Variants in DNAJC13 observed in about 807,000 individuals in gnomAD.
DNAJC13 encodes DnaJ heat shock protein family (Hsp40) member C13.
DNAJC13 carries 75 observed loss-of-function variants against 290.5 expected under a neutral mutation model. The observed-to-expected ratio is 0.26, with a 90% CI of 0.21 to 0.31. DNAJC13 has a LOEUF of 0.31. DNAJC13 is among the 10% of genes least tolerant of loss of function. DNAJC13 has a pLI of 1.00. For missense variants in DNAJC13, 2,260 were observed against 2,674.5 expected (o/e 0.85, Z 3.42); for synonymous variants, 862 against 892.0 (o/e 0.97, Z 0.60).
In DNAJC13 at chr3:132,456,209, C is replaced by T. The variant is rs749775189; in HGVS notation, c.933-26C>T. ...TCCCCTTAATCATCAATGCTAAAACCTTTTTTTACTTTTAATCTTACTTAG... is the reference window on the plus strand; with the variant it reads ...TCCCCTTAATCATCAATGCTAAAACTTTTTTTTACTTTTAATCTTACTTAG... On this transcript the variant is annotated intron_variant, in intron 9 of 55. Coordinates refer to ENST00000260818, the MANE Select transcript of DNAJC13 (RefSeq NM_015268.4). 5 of 1,604,480 alleles carry T rather than the reference C, an allele frequency of 3.1e-6. No homozygotes were observed. The South Asian group carries it at 4.5e-5, about 14-fold the overall frequency.
Position 132,477,817 on chromosome 3 carries a change from TTAAAA to T in DNAJC13, c.2477_2481del (p.Lys826ArgfsTer13). 1 of 1,612,610 alleles carries T rather than the reference TTAAAA, an allele frequency of 6.2e-7. No individual in the cohort carries two copies. The highest frequency in any genetic ancestry group is 8.5e-7 in the Non-Finnish European group (1 of 1,179,498). ...AAATATGAGTGCCTGGCAGAGGAAA[TTAAAA>T]TAGGAGACTATTACCTGAGATTACT... On this transcript the variant is annotated frameshift_variant, in exon 23 of 56. Transcript: ENST00000260818. LOFTEE classifies it high-confidence loss of function.
chr3:132,525,732 G>A lies in DNAJC13; in HGVS notation c.6183G>A (p.Arg2061=). 2 of 1,614,152 alleles carry A rather than the reference G, an allele frequency of 1.2e-6. No homozygotes were observed. The highest frequency in any genetic ancestry group is 1.3e-5 in the African/African-American group (1 of 75,050). Residue 2061 remains arginine, a synonymous_variant, in exon 52 of 56, where the codon AGG becomes AGA. Coordinates refer to ENST00000260818, the MANE Select transcript of DNAJC13 (RefSeq NM_015268.4). ...AAGTTATCCAGGCAATGAATCATAG[G>A]AACAATGCCATTCCTAAGAGTGCCA... The part of the protein sequence containing the change: ...LPKVIQAMNH[R]NNAIPKSAIR...
intron 22 of DNAJC13, among the ~76,000 whole-genome samples, chr3:132,475,340 A>G (rs761613369): frequency 2.6e-5 from 4 of 152,034 alleles, no homozygotes; most frequent in Admixed American, 6.5e-5. Context: ...TTCCAAATCT[A>G]TTCTTTCCTT....
At chr3:132,417,924 G>T (rs911051680) in intron 1 of DNAJC13, among the ~76,000 whole-genome samples, 164 bp downstream of exon 1, 1 of 152,182 alleles carries the variant, frequency 6.6e-6, no homozygotes, top group East Asian at 1.9e-4. Context: ...TGCTGGTCTG[G>T]TTCCTTTCGT....
chr3:132,463,864 G>A, intron 17 of DNAJC13, 47 bp downstream of exon 17: 7 of 1,578,740 alleles, frequency 4.4e-6, no homozygotes, highest in Non-Finnish European at 5.2e-6. Flanking sequence ...CCTGTCTAGA[G>A]AATTGATTCA....
chr3:132,507,989 C>A (rs1028233895), intron 43 of DNAJC13, among the ~76,000 whole-genome samples: 8 of 152,128 alleles, frequency 5.3e-5, no homozygotes, highest in Non-Finnish European at 8.8e-5. Context: ...AGGAAAAGTT[C>A]TTGAAGGAAA....
intron 22 of DNAJC13, among the ~76,000 whole-genome samples, chr3:132,475,868 G>A (rs1430714622): frequency 1.3e-5 from 2 of 151,998 alleles, no homozygotes; most frequent in African/African-American, 4.8e-5. Flanking sequence ...CTTTGACCTC[G>A]TTCATTTTTA....
intron 6 of DNAJC13, among the ~76,000 whole-genome samples, chr3:132,452,632 G>C (rs754945200): frequency 6.6e-6 from 1 of 152,196 alleles, no homozygotes; most frequent in Non-Finnish European, 1.5e-5. Flanking sequence ...CCAACATGAT[G>C]CTTAAAGGAA....
chr3:132,478,135 G>C lies in DNAJC13; in HGVS notation c.2704G>C (p.Glu902Gln). Residue 902 changes from glutamate to glutamine, a missense_variant, in exon 24 of 56, where the codon GAG (glutamate) becomes CAG (glutamine). Around this residue, in one of 3 missense-constraint regions of DNAJC13, gnomAD observed 1,494 missense variants for 1,693.7 expected, o/e 0.88. Transcript: ENST00000260818. ...TDTRYIIGML[E>Q]RCTDKLERDR... ...TACCAGATATATCATTGGAATGTTA[G>C]AGAGGGTAAGGATATCATTTAAGGA... 6.2e-7 allele frequency: 1 copy of C among 1,608,734 alleles called. No individual in the cohort carries two copies. Among genetic ancestry groups the C allele is most frequent in the Non-Finnish European group, 8.5e-7 (1 of 1,178,366 alleles).
chr3:132,465,871 A>G (rs1039168162), intron 17 of DNAJC13, 124 bp from the exon 18 acceptor site: 82 of 593,360 alleles, frequency 1.4e-4, no homozygotes, highest in Non-Finnish European at 1.8e-4. Context: ...TATTTTTAAC[A>G]TCGGAATGAT....
At chr3:132,490,351 A>G (rs1559894640) in intron 31 of DNAJC13, among the ~76,000 whole-genome samples, 1 of 152,202 alleles carries the variant, frequency 6.6e-6, no homozygotes, top group African/African-American at 2.4e-5. Context: ...TAGTATGATC[A>G]TTATCCTAAC....
At chr3:132,457,527 CCAGGCAA>C (rs1933651761) in intron 13 of DNAJC13, 159 bp downstream of exon 13, 14 of 594,836 alleles carry the variant, frequency 2.4e-5, no homozygotes, top group Non-Finnish European at 3.8e-5. Context: ...ATCCTAAATA[CCAGGCAA>C]TGTGCTGTGT....
At chr3:132,430,611 A>G (rs73215987) in intron 1 of DNAJC13, among the ~76,000 whole-genome samples, 7,568 of 152,250 alleles carry the variant, frequency 0.05, 203 homozygotes, top group South Asian at 0.07. Flanking sequence ...TAGACTAGGA[A>G]TACAAACCCC....
At chr3:132,494,899 T>C (rs1646746849) in intron 34 of DNAJC13, among the ~76,000 whole-genome samples, 189 bp from the exon 35 acceptor site, 2 of 151,872 alleles carry the variant, frequency 1.3e-5, no homozygotes, top group South Asian at 4.2e-4. Flanking sequence ...TTAGGTTTTA[T>C]CTTTCACCCA....
intron 48 of DNAJC13, among the ~76,000 whole-genome samples, chr3:132,518,193 T>C (rs1935978127): frequency 1.3e-5 from 2 of 152,248 alleles, no homozygotes; most frequent in South Asian, 2.1e-4. Flanking sequence ...CGCTTAAGTA[T>C]GTACTGGAAT....
intron 54 of DNAJC13, among the ~76,000 whole-genome samples, chr3:132,529,675 T>C (rs1936357894): frequency 1.3e-5 from 2 of 151,686 alleles, no homozygotes; most frequent in African/African-American, 2.4e-5. Flanking sequence ...TAGTCCCATC[T>C]ACTCGGGAGG....
intron 41 of DNAJC13, among the ~76,000 whole-genome samples, chr3:132,504,138 T>C (rs1252934658): frequency 1.3e-5 from 2 of 152,142 alleles, no homozygotes; most frequent in Non-Finnish European, 2.9e-5. Flanking sequence ...TTGTTTTCGC[T>C]AAGGATGAAC....
Position 132,457,321 on chromosome 3 carries a change from A to G in DNAJC13, c.1402A>G (p.Asn468Asp), listed in dbSNP as rs1381480486. 6.2e-7 allele frequency: 1 copy of G among 1,613,716 alleles called. No homozygotes were observed. Among genetic ancestry groups the G allele is most frequent in the South Asian group, 1.1e-5 (1 of 91,032 alleles). ...KVVKALKRSN[N>D]GIIHAAVDML... ...AGTAAAAGCACTCAAAAGAAGCAACAACGGAATAATCCATGCAGCAGTTGA... is the reference window on the plus strand; with the variant it reads ...AGTAAAAGCACTCAAAAGAAGCAACGACGGAATAATCCATGCAGCAGTTGA... The change falls in exon 13 of 56, where the codon AAC (asparagine) becomes GAC (aspartate). Residue 468 changes from asparagine to aspartate, a missense_variant. Asn to Asp is a conservative substitution (Grantham distance 23). Around this residue, in one of 3 missense-constraint regions of DNAJC13, gnomAD observed 762 missense variants for 964.1 expected, o/e 0.79. Coordinates refer to ENST00000260818, the MANE Select transcript of DNAJC13 (RefSeq NM_015268.4).
intron 24 of DNAJC13, 87 bp from the exon 25 acceptor site, chr3:132,479,140 G>T: frequency 2.8e-6 from 2 of 706,884 alleles, no homozygotes; most frequent in South Asian, 4.2e-5. Context: ...ACTTCTTATG[G>T]GCTGTTGGTT....
Sources: allele counts gnomAD v4.1 joint callset (sites outside exome capture counted in the v4.1 genomes callset), GRCh38; gene constraint gnomAD v4.1.1; regional missense constraint gnomAD v4.1.1; transcripts MANE v1.5; gene names NCBI Gene and HGNC (gene_info 2026-07-23, HGNC 2026-07-21).